TCF4: variants seen among roughly 807,000 people sequenced by gnomAD.
TCF4 encodes transcription factor 4.
A neutral mutation model predicts 82.1 loss-of-function variants in TCF4; 3 were observed. The observed-to-expected ratio is 0.04, with a 90% confidence interval of 0.02 to 0.09. The LOEUF (loss-of-function observed/expected upper bound fraction) is 0.09. TCF4 is among the 10% of genes least tolerant of loss of function. The pLI, the probability that TCF4 is intolerant of heterozygous loss-of-function variation, is 1.00. For missense variants in TCF4, 518 were observed against 852.7 expected, an observed-to-expected ratio of 0.61 and a Z score of 4.89; for synonymous variants, 276 against 309.6, an observed-to-expected ratio of 0.89 and a Z score of 1.14.
In TCF4 at chr18:55,585,276, A is replaced by G. The variant is rs537945733; in HGVS notation, c.145+4T>C. On this transcript the variant is annotated splice_donor_region_variant and intron_variant, in intron 3 of 19. Transcript: ENST00000354452. ...ACTTAACACTAAGAAAAGAATTTAC[A>G]TACTTGAGCCAGTAAAATGTCCACT... 5 of 1,613,386 alleles carry G rather than the reference A, an allele frequency of 3.1e-6. No individual in the cohort carries two copies. The highest frequency in any genetic ancestry group is 4.5e-5 in the East Asian group (2 of 44,830).
chr18:55,251,445 T>A (rs1445492196), intron 15 of TCF4, among the ~76,000 whole-genome samples: 1 of 152,094 alleles, frequency 6.6e-6, no homozygotes, highest in Non-Finnish European at 1.5e-5. Context: ...TTAAATGAGA[T>A]AACATAACAG....
Position 55,367,939 on chromosome 18 carries a change from A to G in TCF4, c.370-16936T>C, listed in dbSNP as rs367716346. Among the ~76,000 whole-genome samples, 5 of 152,362 alleles carry G rather than the reference A, an allele frequency of 3.3e-5. No individual in the cohort carries two copies. The East Asian group carries it at 5.8e-4, about 18-fold the overall frequency. Reference sequence around the variant, plus strand: ...ATCATCAATAGATCCTAAAACAAACAGGTGAAAGACAATGTAAAACTCTGT... The same window carrying G: ...ATCATCAATAGATCCTAAAACAAACGGGTGAAAGACAATGTAAAACTCTGT... On this transcript the variant is annotated intron_variant, in intron 6 of 19. Coordinates refer to ENST00000354452, the MANE Select transcript of TCF4 (RefSeq NM_001083962.2).
intron 5 of TCF4, among the ~76,000 whole-genome samples, chr18:55,417,323 C>T (rs1051042032): frequency 6.6e-6 from 1 of 152,148 alleles, no homozygotes; most frequent in African/African-American, 2.4e-5. Flanking sequence ...GGACCTGCAG[C>T]TGCATTTTTA....
intron 17 of TCF4, chr18:55,229,404 A>T (rs1401990821): frequency 5.3e-6 from 2 of 378,452 alleles, no homozygotes; most frequent in Non-Finnish European, 1.0e-5. Context: ...ATGGGGTTAC[A>T]CTCTGCAAAG....
intron 3 of TCF4, among the ~76,000 whole-genome samples, chr18:55,524,755 G>T (rs1354228090): frequency 1.3e-5 from 2 of 152,144 alleles, no homozygotes; most frequent in African/African-American, 4.8e-5. Context: ...GCAACTGAAG[G>T]CCAGAGAATA....
At chr18:55,432,968 G>A (rs1438458041) in intron 5 of TCF4, among the ~76,000 whole-genome samples, 1 of 152,164 alleles carries the variant, frequency 6.6e-6, no homozygotes, top group African/African-American at 2.4e-5. Context: ...CATGCTTCTT[G>A]TAAGGTCTTT....
intron 8 of TCF4, among the ~76,000 whole-genome samples, chr18:55,339,094 T>C (rs746536454): frequency 2.0e-5 from 3 of 152,246 alleles, no homozygotes; most frequent in Admixed American, 1.3e-4. Flanking sequence ...TTAAAAAAAA[T>C]TGCGACACAC....
At chr18:55,553,524 T>C (rs1176452444) in intron 3 of TCF4, 1 of 152,188 alleles carries the variant, frequency 6.6e-6, no homozygotes, top group East Asian at 1.9e-4. Context: ...TGTTCCAGCA[T>C]GCAAATAAAT....
chr18:55,570,758 G>T (rs2097456263), intron 3 of TCF4, among the ~76,000 whole-genome samples: 1 of 151,714 alleles, frequency 6.6e-6, no homozygotes, highest in Non-Finnish European at 1.5e-5. Flanking sequence ...GTGTGTGCCT[G>T]TGGTCCTGCT....
In TCF4 at chr18:55,395,405, G is replaced by C. The variant is rs80030816; in HGVS notation, c.369+8049C>G. Among the ~76,000 whole-genome samples the C allele has an allele frequency of 7.9e-4, 120 of 152,352 alleles. 3 individuals carry two copies. In the East Asian group the frequency reaches 0.022, roughly 27 times the overall value. On this transcript the variant is annotated intron_variant, in intron 6 of 19. Coordinates refer to ENST00000354452, the MANE Select transcript of TCF4 (RefSeq NM_001083962.2). ...TAATGGTTTTCATAAGAAAAGAGAAGTTAATCCCATGATTCTGGTGAAATT... is the reference window on the plus strand; with the variant it reads ...TAATGGTTTTCATAAGAAAAGAGAACTTAATCCCATGATTCTGGTGAAATT...
intron 8 of TCF4, among the ~76,000 whole-genome samples, chr18:55,327,520 C>CCTATGTTAT (rs1353489471): frequency 8.6e-5 from 13 of 151,950 alleles, no homozygotes; most frequent in Admixed American, 7.2e-4. Flanking sequence ...TTAGTGACTT[C>CCTATGTTAT]CTATGTTATC....
At chr18:55,543,570 C>A (rs1248739365) in intron 3 of TCF4, among the ~76,000 whole-genome samples, 3 of 152,092 alleles carry the variant, frequency 2.0e-5, no homozygotes, top group East Asian at 3.8e-4. Flanking sequence ...TTAAAATAAT[C>A]TCCCAGTGAT....
intron 3 of TCF4, among the ~76,000 whole-genome samples, chr18:55,555,622 T>G (rs1405550218): frequency 1.3e-5 from 2 of 152,188 alleles, no homozygotes; most frequent in East Asian, 3.8e-4. Context: ...GCATATTGTG[T>G]GCGTTCTCAT....
chr18:55,235,061 A>G lies in TCF4; in HGVS notation c.1351-378T>C, dbSNP rs562796722. Reference sequence around the variant, plus strand: ...TAATTGTGAGCTTCTCAATTCCCCCATTGCTATCGGAAATCCTACAGGAAT... The same window carrying G: ...TAATTGTGAGCTTCTCAATTCCCCCGTTGCTATCGGAAATCCTACAGGAAT... On this transcript the variant is annotated intron_variant, in intron 15 of 19. Coordinates refer to ENST00000354452, the MANE Select transcript of TCF4 (RefSeq NM_001083962.2). Among the ~76,000 whole-genome samples, 7 of 152,016 alleles carry G rather than the reference A, an allele frequency of 4.6e-5. No homozygotes were observed. The East Asian group carries it at 1.2e-3, about 25-fold the overall frequency.
chr18:55,321,722 G>T (rs1437459645), intron 8 of TCF4: 1 of 1,536,030 alleles, frequency 6.5e-7, no homozygotes, highest in African/African-American at 1.4e-5. Flanking sequence ...GCCCGGGATT[G>T]TGTATGCGCA....
At chr18:55,350,309 A>C in intron 8 of TCF4, 50 bp downstream of exon 8, 2 of 1,582,634 alleles carry the variant, frequency 1.3e-6, no homozygotes, top group East Asian at 4.5e-5. Flanking sequence ...CCATCAATAC[A>C]AAACAGAACA....
rs539390559 is a variant in TCF4, at chr18:55,344,194, T to C, written c.549+6165A>G. Among the ~76,000 whole-genome samples, 11 of 152,152 alleles carry C rather than the reference T, an allele frequency of 7.2e-5. No homozygotes were observed. In the East Asian group the frequency reaches 9.7e-4, roughly 13 times the overall value. ...AGAATTATTCAAAACCAAGAAAACATAGAAAATGCAGAAATTGTCAGTGAT... is the reference window on the plus strand; with the variant it reads ...AGAATTATTCAAAACCAAGAAAACACAGAAAATGCAGAAATTGTCAGTGAT... On this transcript the variant is annotated intron_variant, in intron 8 of 19. Coordinates refer to ENST00000354452, the MANE Select transcript of TCF4 (RefSeq NM_001083962.2).
intron 2 of TCF4, among the ~76,000 whole-genome samples, chr18:55,628,014 C>A (rs148012797): frequency 0.025 from 3,779 of 152,234 alleles, 68 homozygotes; most frequent in Non-Finnish European, 0.038. Flanking sequence ...GAGCCATGAT[C>A]GCGCCACTGC....
At chr18:55,324,600 A>G (rs1012403394) in intron 8 of TCF4, among the ~76,000 whole-genome samples, 2 of 152,174 alleles carry the variant, frequency 1.3e-5, no homozygotes, top group African/African-American at 4.8e-5. Flanking sequence ...CTTGTTTCAC[A>G]GACACAGTTT....
Sources: allele counts gnomAD v4.1 joint callset (sites outside exome capture counted in the v4.1 genomes callset), GRCh38; gene constraint gnomAD v4.1.1; transcripts MANE v1.5; gene names NCBI Gene and HGNC (gene_info 2026-07-23, HGNC 2026-07-21).